Variants in RELN observed in about 807,000 individuals in gnomAD.
The protein encoded by RELN is reelin.
Under a neutral mutation model 427.6 loss-of-function variants are expected in RELN, and 108 were observed. That is an observed-to-expected ratio of 0.25 (90% CI 0.22 to 0.30). RELN has a LOEUF of 0.30. Ranked by LOEUF, RELN falls within the 10% of genes least tolerant of loss-of-function variation. The pLI, the probability that RELN is intolerant of heterozygous loss-of-function variation, is 1.00. For synonymous variants in RELN, 1,524 were observed against 1,513.4 expected, an observed-to-expected ratio of 1.01 and a Z score of -0.16; for missense variants, 3,715 against 4,302.8, an observed-to-expected ratio of 0.86 and a Z score of 3.82.
Position 103,497,855 on chromosome 7 carries a change from T to C in RELN, c.8915A>G (p.Lys2972Arg), listed in dbSNP as rs1231206330. ...MTSCHRPICR[K>R]EGVLLDYSTD... ...AGAGTAGTCCAACAGCACGCCTTCC[T>C]TCCGGCAGATGGGACGATGGCAAGA... Residue 2972 changes from lysine (K) to arginine (R), a missense_variant, in exon 55 of 65, where the codon AAG becomes AGG. Around this residue, in one of 4 missense-constraint regions of RELN, gnomAD observed 1,310 missense variants for 1,643.0 expected, o/e 0.80. Transcript: ENST00000428762. 1.2e-6 allele frequency: 2 copies of C among 1,614,154 alleles called. No individual in the cohort carries two copies. Among genetic ancestry groups the C allele is most frequent in the Non-Finnish European group, 1.7e-6 (2 of 1,180,016 alleles).
At chr7:103,630,840 G>GT (rs1265435565) in intron 19 of RELN, among the ~76,000 whole-genome samples, 1 of 87,562 alleles carries the variant, frequency 1.1e-5, no homozygotes, top group African/African-American at 5.7e-5. Context: ...AAAGGGCTGA[G>GT]TTATTTTTTT....
chr7:103,919,644 G>T (rs1795569054), intron 1 of RELN, among the ~76,000 whole-genome samples: 2 of 152,014 alleles, frequency 1.3e-5, no homozygotes, highest in South Asian at 2.1e-4. Flanking sequence ...GACTCCACAC[G>T]CGCACCAGCT....
chr7:103,980,500 T>C (rs541909159), intron 1 of RELN, among the ~76,000 whole-genome samples: 1 of 152,338 alleles, frequency 6.6e-6, no homozygotes, highest in East Asian at 1.9e-4. Flanking sequence ...TTATTATTTA[T>C]TATTATTTTC....
At chr7:103,798,495 C>G (rs189014016) in intron 3 of RELN, among the ~76,000 whole-genome samples, 1 of 152,226 alleles carries the variant, frequency 6.6e-6, no homozygotes, top group Non-Finnish European at 1.5e-5. Context: ...TGAAGCTAAA[C>G]CAGTTATAAG....
chr7:103,724,989 CA>C (rs1486051062), intron 7 of RELN, among the ~76,000 whole-genome samples: 1 of 151,878 alleles, frequency 6.6e-6, no homozygotes, highest in Non-Finnish European at 1.5e-5. Context: ...ATTCTGAAAA[CA>C]AAAGGGGCCC....
At chr7:103,660,967 G>C (rs1042527058) in intron 12 of RELN, among the ~76,000 whole-genome samples, 3 of 152,136 alleles carry the variant, frequency 2.0e-5, no homozygotes, top group African/African-American at 7.2e-5. Flanking sequence ...AAATTTCTCA[G>C]CTTCCTACTA....
chr7:103,651,509 A>G, intron 15 of RELN, 152 bp downstream of exon 15: 1 of 698,076 alleles, frequency 1.4e-6, no homozygotes, highest in Non-Finnish European at 2.5e-6. Flanking sequence ...CAAAGATACT[A>G]TCTTTCTTTC....
chr7:103,485,253 A>AG (rs1204304828), intron 61 of RELN, among the ~76,000 whole-genome samples: 1 of 131,614 alleles, frequency 7.6e-6, no homozygotes. Flanking sequence ...AAAAAAAAAA[A>AG]GGAAGATGAT....
At chr7:103,848,948 T>C (rs1269416256) in intron 2 of RELN, among the ~76,000 whole-genome samples, 1 of 152,172 alleles carries the variant, frequency 6.6e-6, no homozygotes, top group African/African-American at 2.4e-5. Flanking sequence ...TTTATCACAG[T>C]CAATCTACTT....
rs1254283396 is a variant in RELN at position 103,596,587 on chromosome 7, T to C, written c.3408A>G (p.Ile1136Met). ...WVDFVQFYIQ[I>M]GGESASCNKP... ...TGTTGCATGAAGCACTCTCTCCGCC[T>C]ATCTGGATGTAGAACTGGACAAAGT... The change falls in exon 25 of 65, where the codon ATA becomes ATG. Residue 1136 changes from isoleucine (I) to methionine (M), a missense_variant. This residue lies in a region of RELN where 2,208 missense variants were observed against 2,361.7 expected (regional missense o/e 0.93). Coordinates refer to ENST00000428762, the MANE Select transcript of RELN (RefSeq NM_005045.4). 3 of 1,614,032 alleles carry C rather than the reference T, an allele frequency of 1.9e-6. No individual in the cohort carries two copies. The highest frequency in any genetic ancestry group is 2.2e-5 in the East Asian group (1 of 44,884).
chr7:103,878,196 C>G (rs1794528372), intron 2 of RELN, among the ~76,000 whole-genome samples: 1 of 151,968 alleles, frequency 6.6e-6, no homozygotes, highest in African/African-American at 2.4e-5. Context: ...TACCTGATCC[C>G]TCAATTTCAC....
chr7:103,801,259 C>T (rs1017230531), intron 3 of RELN, among the ~76,000 whole-genome samples: 3 of 152,190 alleles, frequency 2.0e-5, no homozygotes, highest in Admixed American at 6.5e-5. Context: ...ATAAATCATG[C>T]TACTTTAAAG....
chr7:103,635,500 A>C lies in RELN; in HGVS notation c.2390T>G (p.Leu797Trp). The change falls in exon 19 of 65, where the codon TTG becomes TGG. Residue 797 changes from leucine to tryptophan, a missense_variant. This residue lies in a region of RELN where 2,208 missense variants were observed against 2,361.7 expected (regional missense o/e 0.93). Coordinates refer to ENST00000428762, the MANE Select transcript of RELN (RefSeq NM_005045.4). Reference sequence around the variant, plus strand: ...TATCCCATTATCATAAGAATAATGCAACAAAACTCCTTCACCAGGCTGATC... The same window carrying C: ...TATCCCATTATCATAAGAATAATGCCACAAAACTCCTTCACCAGGCTGATC... ...APDQPGEGVLLHYSYDNGITW... is the reference protein window; with the variant it reads ...APDQPGEGVLWHYSYDNGITW... The C allele has an allele frequency of 6.2e-7, 1 of 1,613,990 alleles. No homozygotes were observed. The highest frequency in any genetic ancestry group is 8.5e-7 in the Non-Finnish European group (1 of 1,179,868).
intron 27 of RELN, 85 bp downstream of exon 27, chr7:103,593,597 T>G: frequency 1.7e-6 from 2 of 1,173,780 alleles, no homozygotes; most frequent in East Asian, 4.7e-5. Flanking sequence ...TATGAAAAAT[T>G]TGTGTTCTTT....
chr7:103,931,610 T>C (rs770758603), intron 1 of RELN, among the ~76,000 whole-genome samples: 1 of 152,222 alleles, frequency 6.6e-6, no homozygotes, highest in Non-Finnish European at 1.5e-5. Flanking sequence ...GAATTTAAAT[T>C]AGGTAAATAC....
intron 1 of RELN, among the ~76,000 whole-genome samples, chr7:103,956,046 A>G (rs1422870630): frequency 1.3e-5 from 2 of 152,120 alleles, no homozygotes; most frequent in African/African-American, 2.4e-5. Flanking sequence ...TCAACTATGC[A>G]CTTTTTAGAA....
intron 28 of RELN, among the ~76,000 whole-genome samples, chr7:103,582,928 A>T (rs1404508654): frequency 1.3e-5 from 2 of 152,150 alleles, no homozygotes; most frequent in Non-Finnish European, 2.9e-5. Context: ...TTGGCAAGGG[A>T]GTCTGCTTAT....
At position 103,640,329 on chromosome 7, in the gene RELN, A is replaced by C. The variant is rs912540781; in HGVS notation, c.2069+214T>G. ...ATTTGTTCACAAATTCACATGAGGA[A>C]TGCTAAATTTGTCCACAATTTAGCC... On this transcript the variant is annotated intron_variant, in intron 17 of 64. Transcript: ENST00000428762. The surrounding 1 kb of genome is among the most constrained non-coding windows in gnomAD (Gnocchi z 4.1). 1.3e-5 allele frequency among the ~76,000 whole-genome samples: 2 copies of C among 152,208 alleles called. No homozygotes were observed.
intron 3 of RELN, among the ~76,000 whole-genome samples, chr7:103,784,961 C>A (rs1183496129): frequency 6.6e-6 from 1 of 151,954 alleles, no homozygotes; most frequent in Non-Finnish European, 1.5e-5. Context: ...TAAAAAGTAA[C>A]CAGCAAGCTA....
Sources: gnomAD v4.1 joint callset for allele counts (sites outside exome capture counted in the v4.1 genomes callset) on GRCh38, gnomAD v4.1.1 for gene constraint, gnomAD v4.1.1 regional missense constraint, Gnocchi (gnomAD v3.1) non-coding constraint, MANE v1.5 for transcripts, NCBI Gene and HGNC (gene_info 2026-07-23, HGNC 2026-07-21) for gene names.